The following AGMO variants were observed in gnomAD, a reference collection of about 807,000 sequenced individuals.
AGMO encodes the protein glyceryl-ether monooxygenase.
In AGMO, 75 loss-of-function variants were observed where a neutral mutation model predicts 60.2. The ratio of observed to expected loss-of-function variants is 1.25; its 90% CI spans 1.03 to 1.51. AGMO has a LOEUF of 1.51. AGMO is among the 40% of genes most tolerant of loss of function. The probability of loss-of-function intolerance (pLI) is 0.00; values close to 1 mark genes in which losing one functional copy is unlikely to be tolerated. For missense variants in AGMO, 763 were observed against 525.5 expected (o/e 1.45, Z -4.42); for synonymous variants, 261 against 177.1 (o/e 1.47, Z -3.76).
intron 12 of AGMO, among the ~76,000 whole-genome samples, chr7:15,226,581 T>C (rs1251523291): frequency 6.6e-6 from 1 of 152,100 alleles, no homozygotes; most frequent in Non-Finnish European, 1.5e-5. Context: ...AATATGGGGT[T>C]AGAAGTACTG....
At chr7:15,379,075 GAC>G (rs1783572837) in intron 10 of AGMO, among the ~76,000 whole-genome samples, 1 of 151,864 alleles carries the variant, frequency 6.6e-6, no homozygotes. Flanking sequence ...TGAGAACAAA[GAC>G]ACAACACACA....
At chr7:15,328,269 G>T (rs373688247) in intron 12 of AGMO, among the ~76,000 whole-genome samples, 1 of 151,902 alleles carries the variant, frequency 6.6e-6, no homozygotes, top group South Asian at 2.1e-4. Flanking sequence ...GGCTAGTTTT[G>T]TATTTTTAGT....
At chr7:15,364,761 G>C (rs1782906593) in intron 12 of AGMO, among the ~76,000 whole-genome samples, 2 of 151,928 alleles carry the variant, frequency 1.3e-5, no homozygotes, top group Non-Finnish European at 2.9e-5. Context: ...TATATACTGG[G>C]TTTTTCACTG....
At chr7:15,349,581 ATTC>A (rs1483311128) in intron 12 of AGMO, among the ~76,000 whole-genome samples, 1 of 152,060 alleles carries the variant, frequency 6.6e-6, no homozygotes, top group Non-Finnish European at 1.5e-5. Context: ...TAGAAATCCT[ATTC>A]TTCTCAGTGA....
intron 1 of AGMO, 29 bp from the exon 2 acceptor site, chr7:15,560,300 C>T: frequency 2.5e-6 from 4 of 1,593,368 alleles, no homozygotes; most frequent in Non-Finnish European, 3.4e-6. Context: ...AAAAGAGATG[C>T]TATTATGTTC....
At chr7:15,561,263 G>A (rs1204810614) in intron 1 of AGMO, among the ~76,000 whole-genome samples, 1 of 152,172 alleles carries the variant, frequency 6.6e-6, no homozygotes, top group Non-Finnish European at 1.5e-5. Flanking sequence ...AACTTAGGAA[G>A]TCAGAGCTGG....
At chr7:15,354,480 GTGTATATACACACGTGTA>G (rs1782430522) in intron 12 of AGMO, among the ~76,000 whole-genome samples, 6 of 17,464 alleles carry the variant, frequency 3.4e-4, no homozygotes, top group Admixed American at 1.3e-3. Context: ...ATACACACGT[GTGTATATACACACGTGTA>G]TATATATATA....
At chr7:15,205,817 A>G (rs991079790) in intron 12 of AGMO, among the ~76,000 whole-genome samples, 4 of 152,150 alleles carry the variant, frequency 2.6e-5, no homozygotes, top group Non-Finnish European at 4.4e-5. Context: ...TGTATTCTAA[A>G]CAAATGTATA....
intron 12 of AGMO, among the ~76,000 whole-genome samples, chr7:15,255,322 G>A (rs553886564): frequency 3.0e-4 from 46 of 152,060 alleles, no homozygotes; most frequent in Admixed American, 8.5e-4. Flanking sequence ...TAACAAAACT[G>A]CACGTTCTGC....
chr7:15,212,599 T>C (rs545445639), intron 12 of AGMO, among the ~76,000 whole-genome samples: 5 of 152,166 alleles, frequency 3.3e-5, no homozygotes, highest in African/African-American at 1.2e-4. Context: ...CATTTTCTAC[T>C]GACTTAGCTT....
At chr7:15,509,499 G>A (rs1485047120) in intron 3 of AGMO, among the ~76,000 whole-genome samples, 1 of 152,018 alleles carries the variant, frequency 6.6e-6, no homozygotes, top group African/African-American at 2.4e-5. Flanking sequence ...AACATATGGG[G>A]AAAGTTCCTT....
At chr7:15,466,667 G>A (rs558025291) in intron 3 of AGMO, among the ~76,000 whole-genome samples, 3 of 152,236 alleles carry the variant, frequency 2.0e-5, no homozygotes, top group South Asian at 2.1e-4. Flanking sequence ...TCTCTGTGAC[G>A]CAATCCCTTC....
chr7:15,431,136 C>T (rs1781226960), intron 3 of AGMO, 28 bp from the exon 4 acceptor site: 2 of 1,539,164 alleles, frequency 1.3e-6, no homozygotes, highest in East Asian at 2.3e-5. Flanking sequence ...TGCAATGAGC[C>T]ATGAGAATAA....
At chr7:15,448,148 G>T (rs1236474271) in intron 3 of AGMO, among the ~76,000 whole-genome samples, 10 of 152,150 alleles carry the variant, frequency 6.6e-5, no homozygotes, top group Non-Finnish European at 1.3e-4. Flanking sequence ...ACTGCTATGG[G>T]CTGAATGTTT....
Position 15,200,810 on chromosome 7 carries a change from T to G in AGMO, c.*475A>C, listed in dbSNP as rs979406841. The G allele has an allele frequency of 2.0e-5, 3 of 152,686 alleles. No individual in the cohort carries two copies. The highest frequency in any genetic ancestry group is 4.4e-5 in the Non-Finnish European group (3 of 68,458). The allele number at this position is 152,686 out of a possible 1,614,324, so 9.5% of individuals were successfully genotyped here. On this transcript the variant is annotated 3_prime_UTR_variant, in exon 13 of 13. Coordinates refer to ENST00000342526, the MANE Select transcript of AGMO (RefSeq NM_001004320.2). ...GCCTGGCCTCAGTGATGTCTTTTTC[T>G]GGAATGCAGCTTCTTAGGTTATATG...
chr7:15,130,482 A>T, the AGMO span, among the ~76,000 whole-genome samples: 121 of 152,170 alleles, frequency 8.0e-4, no homozygotes, highest in African/African-American at 2.8e-3. Flanking sequence ...TAAAAATGAT[A>T]AGCCCTGGAA....
intron 3 of AGMO, among the ~76,000 whole-genome samples, chr7:15,521,800 C>T (rs1404616003): frequency 6.6e-6 from 1 of 152,128 alleles, no homozygotes; most frequent in Admixed American, 6.5e-5. Flanking sequence ...GACAAAGATG[C>T]CCTCTCTCAT....
chr7:15,430,631 A>T (rs5005339), intron 4 of AGMO, among the ~76,000 whole-genome samples: 27,550 of 94,762 alleles, frequency 0.29, 2,695 homozygotes, highest in African/African-American at 0.32. Flanking sequence ...GGTTTTTTTT[A>T]AAAAAAAAAA....
intron 4 of AGMO, among the ~76,000 whole-genome samples, chr7:15,429,211 C>G (rs1043572784): frequency 6.6e-6 from 1 of 152,004 alleles, no homozygotes; most frequent in Admixed American, 6.6e-5. Flanking sequence ...TACCCAAATT[C>G]ACATGTTGAA....
Sources: allele counts gnomAD v4.1 joint callset (sites outside exome capture counted in the v4.1 genomes callset), GRCh38; gene constraint gnomAD v4.1.1; transcripts MANE v1.5; gene names NCBI Gene and HGNC (gene_info 2026-07-23, HGNC 2026-07-21).